Variants in ZNF704 observed in about 807,000 individuals in gnomAD.
The protein encoded by ZNF704 is zinc finger protein 704.
ZNF704 carries 10 observed loss-of-function variants against 44.7 expected under a neutral mutation model. The observed-to-expected ratio is 0.22, with a 90% CI of 0.14 to 0.38. The LOEUF is 0.38. Ranked by LOEUF, ZNF704 falls within the 10% of genes least tolerant of loss-of-function variation. ZNF704 has a pLI of 1.00. For missense variants in ZNF704, 390 were observed against 545.5 expected, an observed-to-expected ratio of 0.71 and a Z score of 2.84; for synonymous variants, 211 against 207.6, an observed-to-expected ratio of 1.02 and a Z score of -0.14.
At chr8:80,770,794 C>A (rs968152414) in intron 2 of ZNF704, among the ~76,000 whole-genome samples, 2 of 152,098 alleles carry the variant, frequency 1.3e-5, no homozygotes, top group Non-Finnish European at 2.9e-5. Context: ...TAAAGATTTT[C>A]TCCTACTGTT....
At chr8:80,766,677 T>G (rs973966520) in intron 2 of ZNF704, among the ~76,000 whole-genome samples, 2 of 152,174 alleles carry the variant, frequency 1.3e-5, no homozygotes, top group Non-Finnish European at 2.9e-5. Context: ...ATATTAGAGT[T>G]AGAAGGACAT....
intron 1 of ZNF704, among the ~76,000 whole-genome samples, chr8:80,835,805 A>G (rs1351839076): frequency 1.3e-5 from 2 of 152,220 alleles, no homozygotes; most frequent in African/African-American, 4.8e-5. Flanking sequence ...CAAATATCAC[A>G]TTAGTTACTT....
At chr8:80,659,479 G>T in intron 7 of ZNF704, 106 bp downstream of exon 7, 1 of 858,866 alleles carries the variant, frequency 1.2e-6, no homozygotes, top group Non-Finnish European at 2.0e-6. Context: ...AGTACTTCTG[G>T]CATTCTGATG....
intron 8 of ZNF704, among the ~76,000 whole-genome samples, chr8:80,642,511 G>A (rs897122646): frequency 6.6e-6 from 1 of 152,114 alleles, no homozygotes; most frequent in African/African-American, 2.4e-5. Context: ...TGAGCTGGAT[G>A]GCACGAAATT....
intron 1 of ZNF704, among the ~76,000 whole-genome samples, chr8:80,872,311 A>G (rs951460022): frequency 6.6e-6 from 1 of 152,202 alleles, no homozygotes; most frequent in Admixed American, 6.5e-5. Flanking sequence ...TCTCACTCCC[A>G]GAGCTGGTAC....
chr8:80,732,379 T>TAG (rs1173415099), intron 2 of ZNF704, among the ~76,000 whole-genome samples: 1 of 152,232 alleles, frequency 6.6e-6, no homozygotes, highest in Non-Finnish European at 1.5e-5. Flanking sequence ...ATTATCTGTG[T>TAG]GACTAATAGA....
At chr8:80,836,041 C>A (rs1274111183) in intron 1 of ZNF704, among the ~76,000 whole-genome samples, 1 of 152,168 alleles carries the variant, frequency 6.6e-6, no homozygotes, top group African/African-American at 2.4e-5. Context: ...CTCCCATGAA[C>A]CCCAGTTCCT....
At chr8:80,709,868 C>T (rs1223792769) in intron 2 of ZNF704, among the ~76,000 whole-genome samples, 1 of 152,152 alleles carries the variant, frequency 6.6e-6, no homozygotes, top group African/African-American at 2.4e-5. Flanking sequence ...CACCATGCTC[C>T]CCACAGTAGC....
chr8:80,878,331 A>G (rs1307176766), upstream of ZNF704, among the ~76,000 whole-genome samples: 1 of 151,984 alleles, frequency 6.6e-6, no homozygotes, highest in Non-Finnish European at 1.5e-5. Flanking sequence ...GCTCAATTTG[A>G]CATTATGTTC....
chr8:80,697,237 T>A (rs1328974282), intron 2 of ZNF704, among the ~76,000 whole-genome samples: 1 of 152,056 alleles, frequency 6.6e-6, no homozygotes, highest in Non-Finnish European at 1.5e-5. Context: ...GATGAGTGGT[T>A]TGTTGTATTC....
At chr8:80,681,379 T>G (rs1224094813) in intron 4 of ZNF704, among the ~76,000 whole-genome samples, 1 of 152,242 alleles carries the variant, frequency 6.6e-6, no homozygotes, top group Non-Finnish European at 1.5e-5. Flanking sequence ...TTTGGTATTT[T>G]GTATACTAAA....
chr8:80,730,817 C>T (rs1806569077), intron 2 of ZNF704, among the ~76,000 whole-genome samples: 1 of 152,080 alleles, frequency 6.6e-6, no homozygotes, highest in South Asian at 2.1e-4. Context: ...ACACAAACAA[C>T]ATGAGTTGAA....
chr8:80,724,335 A>T (rs770620287), intron 2 of ZNF704, among the ~76,000 whole-genome samples: 2 of 152,240 alleles, frequency 1.3e-5, no homozygotes, highest in African/African-American at 2.4e-5. Context: ...AACATTCTGG[A>T]TGCAGAACAG....
intron 2 of ZNF704, among the ~76,000 whole-genome samples, chr8:80,708,269 G>A (rs1169220527): frequency 6.6e-6 from 1 of 152,188 alleles, no homozygotes; most frequent in African/African-American, 2.4e-5. Flanking sequence ...CAAGGAACAT[G>A]ACTTCCCCAA....
intron 6 of ZNF704, among the ~76,000 whole-genome samples, chr8:80,662,731 C>T (rs1686707311): frequency 6.6e-6 from 1 of 152,214 alleles, no homozygotes; most frequent in Admixed American, 6.5e-5. Flanking sequence ...GAGCCATAAA[C>T]TGTTCCCTCA....
rs893163785 is a variant in ZNF704, at chr8:80,639,376, G to C, written c.*1990C>G. 2 of 152,256 alleles carry C rather than the reference G, an allele frequency of 1.3e-5. No homozygotes were observed. The highest frequency in any genetic ancestry group is 4.8e-5 in the African/African-American group (2 of 41,462). 9.4% of individuals were successfully genotyped at this position (152,256 alleles called of 1,614,324 possible). A position where few individuals can be genotyped will look rare whatever the true frequency, so the allele number is the denominator to read the frequency against. On this transcript the variant is annotated 3_prime_UTR_variant, in exon 9 of 9. Coordinates refer to ENST00000327835, the MANE Select transcript of ZNF704 (RefSeq NM_001033723.3). Reference sequence around the variant, plus strand: ...GGGGGGTGACAGGACACCAGGAGGAGAAAGGACGTGTTAGAGTAGAGGAAA... The same window carrying C: ...GGGGGGTGACAGGACACCAGGAGGACAAAGGACGTGTTAGAGTAGAGGAAA...
At chr8:80,661,266 T>C (rs893809404) in intron 6 of ZNF704, among the ~76,000 whole-genome samples, 1 of 152,190 alleles carries the variant, frequency 6.6e-6, no homozygotes, top group African/African-American at 2.4e-5. Context: ...CTAGTTAGAT[T>C]GGCTATTATT....
At chr8:80,882,444 T>C in the ZNF704 span, among the ~76,000 whole-genome samples, 2 of 152,096 alleles carry the variant, frequency 1.3e-5, no homozygotes, top group African/African-American at 4.8e-5. Flanking sequence ...CCTTTGCCCA[T>C]AACCCTGATA....
At chr8:80,649,639 C>A (rs1563504237) in intron 7 of ZNF704, among the ~76,000 whole-genome samples, 2 of 152,216 alleles carry the variant, frequency 1.3e-5, no homozygotes, top group Non-Finnish European at 2.9e-5. Context: ...ATTGCCGAGG[C>A]TTGAGTAGGT....
Sources: allele counts gnomAD v4.1 joint callset (sites outside exome capture counted in the v4.1 genomes callset), GRCh38; gene constraint gnomAD v4.1.1; transcripts MANE v1.5; gene names NCBI Gene and HGNC (gene_info 2026-07-23, HGNC 2026-07-21).